The following CACNA1D variants were observed in gnomAD, a reference collection of about 807,000 sequenced individuals.
The protein encoded by CACNA1D is voltage-dependent L-type calcium channel subunit alpha-1D.
Under a neutral mutation model 257.1 loss-of-function variants are expected in CACNA1D, and 55 were observed. The observed-to-expected ratio is 0.21, with a 90% CI of 0.17 to 0.27. CACNA1D has a LOEUF of 0.27. CACNA1D is among the 10% of genes least tolerant of loss of function. CACNA1D has a pLI of 1.00. For synonymous variants in CACNA1D, 980 were observed against 1,014.9 expected, an observed-to-expected ratio of 0.97 and a Z score of 0.65; for missense variants, 1,876 against 2,784.0, an observed-to-expected ratio of 0.67 and a Z score of 7.34.
chr3:53,730,045 G>GT (rs1212362670), intron 15 of CACNA1D, among the ~76,000 whole-genome samples: 1 of 149,506 alleles, frequency 6.7e-6, no homozygotes, highest in African/African-American at 2.5e-5. Context: ...TGTAGTATGT[G>GT]TTTAAAAAAA....
rs2095456688 is a variant in CACNA1D at position 53,786,918 on chromosome 3, A to G, written c.4889A>G (p.Lys1630Arg). 6.2e-7 allele frequency: 1 copy of G among 1,614,132 alleles called. No individual in the cohort carries two copies. The highest frequency in any genetic ancestry group is 8.5e-7 in the Non-Finnish European group (1 of 1,179,962). ...CGGAAAGAACAAGGACTGGTGGGAA[A>G]GTACCCTGCGAAGAACACCACAATT... is the stretch of plus-strand genomic sequence containing the variant. ...KKRKEQGLVG[K>R]YPAKNTTIAL... Residue 1630 changes from lysine (K) to arginine (R), a missense_variant, in exon 40 of 48, where the codon AAG (lysine) becomes AGG (arginine). Physicochemically the swap from Lys to Arg is conservative, Grantham distance 26 (BLOSUM62 2). Around this residue, in one of 10 missense-constraint regions of CACNA1D, gnomAD observed 160 missense variants for 236.6 expected, o/e 0.68. Transcript: ENST00000350061.
At chr3:53,758,928 G>A (rs2095283417) in intron 29 of CACNA1D, among the ~76,000 whole-genome samples, 1 of 152,150 alleles carries the variant, frequency 6.6e-6, no homozygotes, top group Non-Finnish European at 1.5e-5. Flanking sequence ...GGGGAACTGA[G>A]TCATGCCACT....
At chr3:53,589,166 T>G (rs1187103974) in intron 3 of CACNA1D, among the ~76,000 whole-genome samples, 1 of 152,184 alleles carries the variant, frequency 6.6e-6, no homozygotes, top group Non-Finnish European at 1.5e-5. Context: ...TTATTAATGT[T>G]GTTTATGAGA....
intron 3 of CACNA1D, among the ~76,000 whole-genome samples, chr3:53,507,332 G>A (rs1018948650): frequency 1.2e-4 from 19 of 152,168 alleles, no homozygotes; most frequent in South Asian, 2.1e-4. Context: ...TTTGTGGCTG[G>A]GCATAGTAGC....
intron 3 of CACNA1D, among the ~76,000 whole-genome samples, chr3:53,526,884 A>G (rs1175072155): frequency 6.6e-6 from 1 of 152,234 alleles, no homozygotes; most frequent in Admixed American, 6.5e-5. Flanking sequence ...AATTTGTCAA[A>G]TGAGCAGGGC....
At chr3:53,782,768 C>CCAA (rs1188227701) in intron 39 of CACNA1D, 2 of 152,352 alleles carry the variant, frequency 1.3e-5, no homozygotes, top group South Asian at 2.1e-4. Flanking sequence ...GGAAGACAAA[C>CCAA]CAACAACAAC....
chr3:53,701,696 C>T (rs770091543), intron 8 of CACNA1D, among the ~76,000 whole-genome samples: 4 of 152,366 alleles, frequency 2.6e-5, no homozygotes, highest in East Asian at 3.9e-4. Flanking sequence ...TAACAACTCA[C>T]GGTTGGAGAT....
intron 3 of CACNA1D, among the ~76,000 whole-genome samples, chr3:53,569,062 C>T (rs2092899306): frequency 6.6e-6 from 1 of 152,150 alleles, no homozygotes; most frequent in African/African-American, 2.4e-5. Context: ...TCCTGGTGTT[C>T]CCCCCACCTC....
At chr3:53,732,589 C>A (rs953955407) in intron 18 of CACNA1D, among the ~76,000 whole-genome samples, 3 of 152,152 alleles carry the variant, frequency 2.0e-5, no homozygotes, top group African/African-American at 4.8e-5. Context: ...GGAATCTCAT[C>A]ATTCCCGCAA....
chr3:53,520,143 A>G (rs982634355), intron 3 of CACNA1D, among the ~76,000 whole-genome samples: 7 of 152,176 alleles, frequency 4.6e-5, no homozygotes, highest in East Asian at 3.9e-4. Flanking sequence ...TAAGTTTTCA[A>G]TTCTCTTGGC....
intron 31 of CACNA1D, 32 bp downstream of exon 31, chr3:53,770,049 G>A (rs1430160008): frequency 7.0e-6 from 11 of 1,566,454 alleles, no homozygotes; most frequent in African/African-American, 1.4e-5. Flanking sequence ...CAGGGGCTGG[G>A]CCTTTTCCTT....
At chr3:53,752,023 T>A in intron 28 of CACNA1D, 116 bp downstream of exon 28, 1 of 1,009,384 alleles carries the variant, frequency 9.9e-7, no homozygotes, top group Non-Finnish European at 1.6e-6. Flanking sequence ...TTCTGATGAG[T>A]CTGGGCTATA....
chr3:53,587,040 G>A (rs1277667112), intron 3 of CACNA1D, among the ~76,000 whole-genome samples: 4 of 152,186 alleles, frequency 2.6e-5, no homozygotes, highest in Non-Finnish European at 5.9e-5. Context: ...GAACCGTGGG[G>A]CCCCATCTCA....
Position 53,710,510 on chromosome 3 carries a change from G to A in CACNA1D, c.1390+7700G>A, listed in dbSNP as rs1211340242. On this transcript the variant is annotated intron_variant, in intron 9 of 47. Transcript: ENST00000350061. The stretch of plus-strand genomic sequence containing the variant: ...TGCTGAGACTGAGCTTTCTTTTTCC[G>A]CAACATCTCTGATACCTTTTCCTTG... 5.9e-5 allele frequency: 27 copies of A among 456,410 alleles called. No individual in the cohort carries two copies. In the Admixed American group the frequency reaches 6.1e-4, roughly 10 times the overall value. The allele number at this position is 456,410 out of a possible 1,614,324, so 28.3% of individuals were successfully genotyped here.
In CACNA1D at chr3:53,772,911, C is replaced by T; in HGVS notation, c.4110+13C>T. The T allele has an allele frequency of 6.2e-7, 1 of 1,612,142 alleles. No individual in the cohort carries two copies. The highest frequency in any genetic ancestry group is 8.5e-7 in the Non-Finnish European group (1 of 1,178,204). On this transcript the variant is annotated intron_variant, in intron 33 of 47. Transcript: ENST00000350061. ...CATTGGCATGCAGGTAAGCTCCAGC[C>T]ATCTCGCCCTCAGGGGCCCTTTCAC... is the stretch of plus-strand genomic sequence containing the variant.
intron 3 of CACNA1D, among the ~76,000 whole-genome samples, chr3:53,565,690 T>C (rs1038730824): frequency 2.6e-5 from 4 of 152,236 alleles, no homozygotes. Flanking sequence ...AATCATAGTA[T>C]GTGTGTATGA....
chr3:53,618,368 A>T (rs975686922), intron 3 of CACNA1D, among the ~76,000 whole-genome samples: 34 of 152,248 alleles, frequency 2.2e-4, no homozygotes, highest in African/African-American at 8.2e-4. Flanking sequence ...GGCAGCCTGG[A>T]TTTGTGCTGA....
intron 8 of CACNA1D, among the ~76,000 whole-genome samples, chr3:53,674,713 G>A (rs1035218868): frequency 6.6e-6 from 1 of 152,214 alleles, no homozygotes; most frequent in African/African-American, 2.4e-5. Flanking sequence ...GGGAGCTGGG[G>A]GCTGTATGGC....
At chr3:53,621,137 G>A (rs908695974) in intron 3 of CACNA1D, among the ~76,000 whole-genome samples, 1 of 152,188 alleles carries the variant, frequency 6.6e-6, no homozygotes, top group African/African-American at 2.4e-5. Flanking sequence ...ATGAATGCAA[G>A]TGAGGGAAAA....
Sources: allele counts gnomAD v4.1 joint callset (sites outside exome capture counted in the v4.1 genomes callset), GRCh38; gene constraint gnomAD v4.1.1; regional missense constraint gnomAD v4.1.1; transcripts MANE v1.5; gene names NCBI Gene and HGNC (gene_info 2026-07-23, HGNC 2026-07-21).